The following TNS3 variants were observed in gnomAD, a reference collection of about 807,000 sequenced individuals.
TNS3 encodes tensin 3.
TNS3 carries 45 observed loss-of-function variants against 140.9 expected under a neutral mutation model. That is an observed-to-expected ratio of 0.32 (90% CI 0.25 to 0.41). TNS3 has a LOEUF of 0.41. Among genes scored for constraint, TNS3 ranks in the 10% least tolerant of loss-of-function variants. TNS3 has a pLI of 1.00. For synonymous variants in TNS3, 815 were observed against 788.4 expected, an observed-to-expected ratio of 1.03 and a Z score of -0.56; for missense variants, 1,716 against 1,906.7, an observed-to-expected ratio of 0.90 and a Z score of 1.86.
chr7:47,520,522 A>G (rs1798935542), intron 2 of TNS3, among the ~76,000 whole-genome samples: 4 of 152,218 alleles, frequency 2.6e-5, no homozygotes, highest in Admixed American at 6.5e-5. Flanking sequence ...ACCGTTGAGA[A>G]ACATCTGGGA....
rs569273011 is a variant in TNS3 at position 47,522,861 on chromosome 7, G to C, written c.-153+6175C>G. On this transcript the variant is annotated intron_variant, in intron 2 of 30. Coordinates refer to ENST00000311160, the MANE Select transcript of TNS3 (RefSeq NM_022748.12). ...GAGAATGGCGTGAACCTGGGAGGCA[G>C]AGCTTGCTGTGAGCTGAGATCGCGC... 7.3e-3 allele frequency among the ~76,000 whole-genome samples: 1,107 copies of C among 150,684 alleles called. 16 individuals are homozygous for C. Among genetic ancestry groups the C allele is most frequent in the African/African-American group, 0.026 (1,059 of 41,100 alleles).
chr7:47,506,053 T>C (rs1210416208), intron 3 of TNS3, among the ~76,000 whole-genome samples: 4 of 151,946 alleles, frequency 2.6e-5, no homozygotes, highest in African/African-American at 7.3e-5. Flanking sequence ...AGTAGCAAAA[T>C]CCCAAGACTC....
In TNS3 at chr7:47,450,949, C is replaced by A. The variant is rs532808873; in HGVS notation, c.-75-8894G>T. Among the ~76,000 whole-genome samples the A allele has an allele frequency of 3.9e-5, 6 of 152,304 alleles. No individual in the cohort carries two copies. The South Asian group carries it at 1.2e-3, about 32-fold the overall frequency. On this transcript the variant is annotated intron_variant, in intron 4 of 30. Coordinates refer to ENST00000311160, the MANE Select transcript of TNS3 (RefSeq NM_022748.12). The stretch of plus-strand genomic sequence containing the variant: ...AGGAGTTCAAGACCAGCCTGGCCAA[C>A]GTGATGAAACCCCGTCTCTACTAAA...
rs1029264958 is a variant in TNS3 at position 47,297,296 on chromosome 7, T to C, written c.3545-83A>G. On this transcript the variant is annotated intron_variant, in intron 23 of 30. Coordinates refer to ENST00000311160, the MANE Select transcript of TNS3 (RefSeq NM_022748.12). ...CACTCATAACCTTGGGTAGGTCCTC[T>C]CCCCTTACTCTTTTTGCAAACTGGA... The C allele has an allele frequency of 3.5e-6, 5 of 1,413,868 alleles. No homozygotes were observed. In the East Asian group the frequency reaches 9.6e-5, roughly 27 times the overall value. 87.6% of individuals were successfully genotyped at this position (1,413,868 alleles called of 1,614,324 possible).
intron 1 of TNS3, among the ~76,000 whole-genome samples, chr7:47,580,332 ACTCC>A (rs1320810967): frequency 6.6e-6 from 1 of 151,918 alleles, no homozygotes; most frequent in Non-Finnish European, 1.5e-5. Flanking sequence ...CATAATCCCA[ACTCC>A]CTCCAAGGAA....
At chr7:47,293,426 T>C (rs1279370456) in intron 25 of TNS3, among the ~76,000 whole-genome samples, 1 of 152,228 alleles carries the variant, frequency 6.6e-6, no homozygotes, top group Non-Finnish European at 1.5e-5. Flanking sequence ...GATAGGGTCA[T>C]GCTGGAGCTC....
chr7:47,507,430 G>C (rs545360365), intron 2 of TNS3, among the ~76,000 whole-genome samples: 157 of 152,266 alleles, frequency 1.0e-3, no homozygotes, highest in Non-Finnish European at 1.7e-3. Flanking sequence ...AGACCGGATG[G>C]GAGCCTTTAA....
At chr7:47,333,067 C>A (rs1226465584) in intron 20 of TNS3, among the ~76,000 whole-genome samples, 1 of 152,018 alleles carries the variant, frequency 6.6e-6, no homozygotes, top group Non-Finnish European at 1.5e-5. Context: ...CCAAGCTGGC[C>A]TGCTCCGCGG....
At chr7:47,278,395 A>C in intron 30 of TNS3, 175 bp from the exon 31 acceptor site, 1 of 654,810 alleles carries the variant, frequency 1.5e-6, no homozygotes, top group Non-Finnish European at 2.6e-6. Context: ...TCCAGCCTTC[A>C]CAGACCTACA....
chr7:47,564,589 T>C lies in TNS3; in HGVS notation c.-265+17462A>G, dbSNP rs534688571. ...ACGCAGAAGTTGCAGTGAGCCAACA[T>C]TGTGCCATCGCACTCCAGCCTGGGC... On this transcript the variant is annotated intron_variant, in intron 1 of 30. Transcript: ENST00000311160. 1.8e-4 allele frequency among the ~76,000 whole-genome samples: 24 copies of C among 136,900 alleles called. No individual in the cohort carries two copies. The South Asian group carries it at 2.4e-3, about 14-fold the overall frequency. 89.8% of individuals were successfully genotyped at this position (136,900 alleles called of 152,430 possible). A position where few individuals can be genotyped will look rare whatever the true frequency, so the allele number is the denominator to read the frequency against.
intron 4 of TNS3, among the ~76,000 whole-genome samples, chr7:47,457,124 A>G (rs1584702724): frequency 7.8e-5 from 2 of 25,480 alleles, no homozygotes; most frequent in African/African-American, 1.4e-4. Context: ...AGGGGAGGGG[A>G]GGGGAGGGGA....
At chr7:47,327,744 A>G (rs1017317446) in intron 20 of TNS3, among the ~76,000 whole-genome samples, 2 of 152,172 alleles carry the variant, frequency 1.3e-5, no homozygotes, top group Non-Finnish European at 2.9e-5. Flanking sequence ...ACTGTCATCA[A>G]GTGACAAGGG....
At chr7:47,494,504 A>G (rs58254777) in intron 3 of TNS3, among the ~76,000 whole-genome samples, 34,888 of 152,156 alleles carry the variant, frequency 0.23, 4,127 homozygotes, top group Non-Finnish European at 0.26. Flanking sequence ...CCTGAAAGAC[A>G]CAGTTGTGAG....
At chr7:47,378,630 T>TAGGTA in intron 16 of TNS3, among the ~76,000 whole-genome samples, 1 of 152,324 alleles carries the variant, frequency 6.6e-6, no homozygotes, top group African/African-American at 2.4e-5. Context: ...TCCAAGCACT[T>TAGGTA]CGTACCTATT....
At chr7:47,412,640 C>T (rs907654749) in intron 12 of TNS3, among the ~76,000 whole-genome samples, 1 of 152,014 alleles carries the variant, frequency 6.6e-6, no homozygotes, top group African/African-American at 2.4e-5. Context: ...TGGAAAGGAG[C>T]GAGAAAGAAA....
intron 3 of TNS3, among the ~76,000 whole-genome samples, chr7:47,497,768 A>T (rs1344744746): frequency 6.6e-6 from 1 of 151,660 alleles, no homozygotes; most frequent in Non-Finnish European, 1.5e-5. Context: ...GTGCCCATGG[A>T]TGCCTGGCCT....
chr7:47,389,715 G>T (rs990881947), intron 16 of TNS3, among the ~76,000 whole-genome samples: 9 of 152,176 alleles, frequency 5.9e-5, no homozygotes, highest in African/African-American at 2.2e-4. Context: ...GGAAGCCGGC[G>T]CCCCCAGGCC....
chr7:47,369,225 T>A lies in TNS3; in HGVS notation c.1421A>T (p.Glu474Val), dbSNP rs1343474491. ...CATCTCGTCATCCAGAATGTCTGTCTCCCGATCCTTCAGAGCAGCGTCTCC... is the reference window on the plus strand; with the variant it reads ...CATCTCGTCATCCAGAATGTCTGTCACCCGATCCTTCAGAGCAGCGTCTCC... Reference protein sequence around the residue: ...VNGDAALKDRETDILDDEMPH... With the variant: ...VNGDAALKDRVTDILDDEMPH... Residue 474 changes from glutamate to valine, a missense_variant, in exon 17 of 31, where the codon GAG (glutamate) becomes GTG (valine). This residue lies in a region of TNS3 where 1,163 missense variants were observed against 1,182.1 expected (regional missense o/e 0.98). Coordinates refer to ENST00000311160, the MANE Select transcript of TNS3 (RefSeq NM_022748.12). The A allele has an allele frequency of 6.2e-7, 1 of 1,614,154 alleles. No individual in the cohort carries two copies. The highest frequency in any genetic ancestry group is 1.7e-5 in the Admixed American group (1 of 60,030).
intron 17 of TNS3, among the ~76,000 whole-genome samples, chr7:47,349,078 A>C (rs767737818): frequency 2.8e-4 from 43 of 152,236 alleles, no homozygotes; most frequent in Non-Finnish European, 4.1e-4. Context: ...GGAGGCTCTG[A>C]AACACAGGCA....
Sources: gnomAD v4.1 joint callset for allele counts (sites outside exome capture counted in the v4.1 genomes callset) on GRCh38, gnomAD v4.1.1 for gene constraint, gnomAD v4.1.1 regional missense constraint, MANE v1.5 for transcripts, NCBI Gene and HGNC (gene_info 2026-07-23, HGNC 2026-07-21) for gene names.